Variants in CSMD3 observed in about 807,000 individuals in gnomAD.
CSMD3 encodes CUB and sushi domain-containing protein 3.
CSMD3 carries 177 observed loss-of-function variants against 435.2 expected under a neutral mutation model. That is an observed-to-expected ratio of 0.41 (90% confidence interval 0.36 to 0.46). The LOEUF (loss-of-function observed/expected upper bound fraction) is 0.46, where lower values mean the gene tolerates loss of function less well. CSMD3 is among the 20% of genes least tolerant of loss of function. The pLI, the probability that CSMD3 is intolerant of heterozygous loss-of-function variation, is 0.34. For missense variants in CSMD3, 4,265 were observed against 4,504.6 expected (o/e 0.95, Z 1.52); for synonymous variants, 1,656 against 1,520.5 (o/e 1.09, Z -2.07).
chr8:112,291,273 G>C (rs760968289), intron 56 of CSMD3, among the ~76,000 whole-genome samples: 2 of 151,784 alleles, frequency 1.3e-5, no homozygotes, highest in Non-Finnish European at 2.9e-5. Context: ...TATTTTATAT[G>C]CTCCAAAGTG....
At chr8:113,125,811 T>C (rs1406709013) in intron 4 of CSMD3, among the ~76,000 whole-genome samples, 1 of 151,924 alleles carries the variant, frequency 6.6e-6, no homozygotes, top group Non-Finnish European at 1.5e-5. Flanking sequence ...GGGGGAAGTC[T>C]GATGAGAAGG....
At chr8:112,396,589 T>A (rs1175903878) in intron 35 of CSMD3, among the ~76,000 whole-genome samples, 1 of 152,098 alleles carries the variant, frequency 6.6e-6, no homozygotes, top group Non-Finnish European at 1.5e-5. Context: ...ACTTGGGAAG[T>A]TGGTAAGGGT....
intron 3 of CSMD3, among the ~76,000 whole-genome samples, chr8:113,226,752 C>T (rs2093033354): frequency 6.6e-6 from 1 of 151,562 alleles, no homozygotes. Context: ...CTTTTCCTGC[C>T]CCTGAAGCAG....
intron 6 of CSMD3, among the ~76,000 whole-genome samples, chr8:112,983,378 A>C (rs144448507): frequency 6.6e-6 from 1 of 151,634 alleles, no homozygotes; most frequent in Non-Finnish European, 1.5e-5. Flanking sequence ...TGCCTAAAAT[A>C]TACATAAGCC....
At chr8:112,646,413 T>G (rs2131617520) in intron 19 of CSMD3, among the ~76,000 whole-genome samples, 1 of 152,192 alleles carries the variant, frequency 6.6e-6, no homozygotes, top group South Asian at 2.1e-4. Flanking sequence ...CGTGTTTGTG[T>G]GTGTGTATTT....
chr8:112,520,425 A>C (rs554792854), intron 27 of CSMD3, among the ~76,000 whole-genome samples: 2 of 152,154 alleles, frequency 1.3e-5, no homozygotes, highest in Admixed American at 1.3e-4. Context: ...GCTCTTAACC[A>C]TTATAGTGTG....
intron 13 of CSMD3, among the ~76,000 whole-genome samples, chr8:112,786,575 TA>T (rs2078545306): frequency 6.6e-6 from 1 of 150,948 alleles, no homozygotes; most frequent in South Asian, 2.1e-4. Context: ...AAAAAACCAA[TA>T]ATCTGAATAA....
intron 5 of CSMD3, among the ~76,000 whole-genome samples, chr8:113,043,807 A>G (rs1355515703): frequency 6.6e-6 from 1 of 152,088 alleles, no homozygotes; most frequent in Admixed American, 6.5e-5. Context: ...TTCTAGGCTT[A>G]ATTTTGGAAA....
chr8:112,930,435 G>A (rs2083068921), intron 9 of CSMD3, among the ~76,000 whole-genome samples: 1 of 152,074 alleles, frequency 6.6e-6, no homozygotes, highest in Admixed American at 6.6e-5. Flanking sequence ...AAGAACAGCT[G>A]TCAGAGAGAA....
chr8:112,266,861 C>T (rs1171293529), intron 59 of CSMD3, among the ~76,000 whole-genome samples: 1 of 152,106 alleles, frequency 6.6e-6, no homozygotes. Context: ...AACTTTCTAC[C>T]AGCTAAGAAA....
intron 13 of CSMD3, among the ~76,000 whole-genome samples, chr8:112,792,522 A>T (rs1420057011): frequency 6.6e-6 from 1 of 152,122 alleles, no homozygotes; most frequent in Non-Finnish European, 1.5e-5. Context: ...ACCATCATAT[A>T]TGGGGGTTAG....
chr8:112,719,490 A>G (rs916987910), intron 13 of CSMD3, among the ~76,000 whole-genome samples: 3 of 152,108 alleles, frequency 2.0e-5, no homozygotes, highest in African/African-American at 7.2e-5. Context: ...TTTTGATGAA[A>G]GCTCTTTTTC....
chr8:113,281,864 T>C (rs2093615300), intron 2 of CSMD3, among the ~76,000 whole-genome samples: 1 of 151,984 alleles, frequency 6.6e-6, no homozygotes, highest in African/African-American at 2.4e-5. Context: ...CTTGTAGTGG[T>C]GGCTTGATAA....
At chr8:112,458,323 T>C (rs1402796462) in intron 32 of CSMD3, among the ~76,000 whole-genome samples, 1 of 150,140 alleles carries the variant, frequency 6.7e-6, no homozygotes, top group Non-Finnish European at 1.5e-5. Context: ...AAACCCCATG[T>C]TTCCAAATTT....
rs1015573555 is a variant in CSMD3, at chr8:113,046,364, A to C, written c.918-27185T>G. 2.7e-5 allele frequency among the ~76,000 whole-genome samples: 4 copies of C among 149,800 alleles called. 1 individual carries two copies. Among genetic ancestry groups the C allele is most frequent in the Non-Finnish European group, 6.0e-5 (4 of 66,492 alleles). Reference sequence around the variant, plus strand: ...ACAAAACAAAAAAAGCCTTATTTGAACAAACAACAATAACAAAACAAAATA... The same window carrying C: ...ACAAAACAAAAAAAGCCTTATTTGACCAAACAACAATAACAAAACAAAATA... On this transcript the variant is annotated intron_variant, in intron 5 of 70. Coordinates refer to ENST00000297405, the MANE Select transcript of CSMD3 (RefSeq NM_198123.2).
At chr8:112,281,471 A>C in intron 58 of CSMD3, 121 bp from the exon 59 acceptor site, 1 of 751,058 alleles carries the variant, frequency 1.3e-6, no homozygotes, top group South Asian at 1.6e-5. Context: ...CTTCTAAAAT[A>C]AGTAGTAAAG....
At chr8:113,293,971 C>T (rs2132544567) in intron 2 of CSMD3, among the ~76,000 whole-genome samples, 1 of 152,060 alleles carries the variant, frequency 6.6e-6, no homozygotes, top group South Asian at 2.1e-4. Context: ...AAATATATTT[C>T]CACAAATGAT....
intron 23 of CSMD3, among the ~76,000 whole-genome samples, chr8:112,574,748 T>C (rs1048508843): frequency 2.0e-5 from 3 of 151,988 alleles, no homozygotes; most frequent in Non-Finnish European, 4.4e-5. Context: ...ACAGACTTTA[T>C]TCCATACTAT....
At chr8:112,800,487 A>G (rs546661584) in intron 12 of CSMD3, among the ~76,000 whole-genome samples, 7 of 152,174 alleles carry the variant, frequency 4.6e-5, no homozygotes, top group African/African-American at 1.7e-4. Flanking sequence ...TAACTAGGAA[A>G]GATCTTTCAT....
Sources: allele counts gnomAD v4.1 joint callset (sites outside exome capture counted in the v4.1 genomes callset), GRCh38; gene constraint gnomAD v4.1.1; transcripts MANE v1.5; gene names NCBI Gene and HGNC (gene_info 2026-07-23, HGNC 2026-07-21).